GLB1: variants seen among roughly 807,000 people sequenced by gnomAD.
GLB1 encodes the protein beta-galactosidase.
In GLB1, 56 loss-of-function variants were observed where a neutral mutation model predicts 74.0. That is an observed-to-expected ratio of 0.76 (90% confidence interval 0.61 to 0.94). The LOEUF is 0.94. GLB1 is among the 40% of genes least tolerant of loss of function. The pLI, the probability that GLB1 is intolerant of heterozygous loss-of-function variation, is 0.00. For missense variants in GLB1, 787 were observed against 845.5 expected, an observed-to-expected ratio of 0.93 and a Z score of 0.86; for synonymous variants, 323 against 323.6, an observed-to-expected ratio of 1.00 and a Z score of 0.02.
the GLB1 span, among the ~76,000 whole-genome samples, chr3:32,967,914 C>G: frequency 2.0e-5 from 3 of 152,244 alleles, no homozygotes; most frequent in East Asian, 5.8e-4. Flanking sequence ...CGGTAAGGAG[C>G]AAGGGCCCAA....
intron 13 of GLB1, 64 bp downstream of exon 13, chr3:33,018,384 A>G: frequency 6.6e-7 from 1 of 1,521,492 alleles, no homozygotes; most frequent in Non-Finnish European, 9.1e-7. Context: ...CTGTGTTAAC[A>G]AGTGCAGGCT....
chr3:33,076,899 T>C (rs1700129682), intron 1 of GLB1, among the ~76,000 whole-genome samples: 1 of 152,046 alleles, frequency 6.6e-6, no homozygotes, highest in Non-Finnish European at 1.5e-5. Context: ...ACATTGACAA[T>C]GGAAAATTCT....
intron 10 of GLB1, among the ~76,000 whole-genome samples, chr3:33,026,793 C>T (rs1191772688): frequency 6.6e-6 from 1 of 152,056 alleles, no homozygotes; most frequent in Non-Finnish European, 1.5e-5. Flanking sequence ...CACAGAGAGG[C>T]ACTACCCTCT....
intron 10 of GLB1, among the ~76,000 whole-genome samples, chr3:33,039,498 T>A (rs539499604): frequency 6.6e-6 from 1 of 152,242 alleles, no homozygotes; most frequent in African/African-American, 2.4e-5. Context: ...ATTGAGTCTA[T>A]AATATGGGTT....
intron 4 of GLB1, among the ~76,000 whole-genome samples, chr3:33,066,781 T>G (rs1454626190): frequency 6.6e-6 from 1 of 152,142 alleles, no homozygotes; most frequent in East Asian, 1.9e-4. Flanking sequence ...GAATAATAAA[T>G]GTACATGCCA....
intron 15 of GLB1, among the ~76,000 whole-genome samples, chr3:33,001,944 T>C (rs1332977306): frequency 6.6e-5 from 10 of 152,332 alleles, no homozygotes; most frequent in East Asian, 3.9e-4. Flanking sequence ...TTAAAAAATA[T>C]ATACATTGAT....
chr3:33,004,784 C>G (rs1215333461), intron 15 of GLB1, among the ~76,000 whole-genome samples: 1 of 152,204 alleles, frequency 6.6e-6, no homozygotes, highest in Non-Finnish European at 1.5e-5. Context: ...ACCACTTCTC[C>G]AGCAGAAGAG....
At chr3:33,063,002 T>C (rs1314325014) in intron 5 of GLB1, among the ~76,000 whole-genome samples, 8 of 152,156 alleles carry the variant, frequency 5.3e-5, no homozygotes, top group Admixed American at 4.6e-4. Flanking sequence ...TGCTCCCACA[T>C]GTGCTTCACA....
chr3:33,055,910 A>G (rs1349053486), intron 6 of GLB1, among the ~76,000 whole-genome samples: 1 of 151,644 alleles, frequency 6.6e-6, no homozygotes, highest in East Asian at 1.9e-4. Flanking sequence ...CTCTTTTTTG[A>G]TAAGGTAGAA....
At chr3:32,991,259 G>A in the GLB1 span, among the ~76,000 whole-genome samples, 1 of 152,120 alleles carries the variant, frequency 6.6e-6, no homozygotes, top group Non-Finnish European at 1.5e-5. Context: ...AAGAGACAAA[G>A]GGATCCAATT....
chr3:33,031,236 G>C (rs1022189895), intron 10 of GLB1, among the ~76,000 whole-genome samples: 3 of 152,134 alleles, frequency 2.0e-5, no homozygotes, highest in African/African-American at 7.2e-5. Flanking sequence ...AAGGAGGCAG[G>C]TAGAGCTATA....
intron 1 of GLB1, chr3:33,090,927 A>T (rs971769160): frequency 5.9e-5 from 53 of 901,410 alleles, no homozygotes; most frequent in South Asian, 3.1e-4. Flanking sequence ...ATGCAAAATT[A>T]AAAAAAAAAT....
Position 33,093,637 on chromosome 3 carries a change from GC to G in GLB1, c.75+3373del. 6.2e-7 allele frequency: 1 copy of G among 1,614,158 alleles called. No homozygotes were observed. The highest frequency in any genetic ancestry group is 8.5e-7 in the Non-Finnish European group (1 of 1,180,032). On this transcript the variant is annotated intron_variant, in intron 1 of 15. Transcript: ENST00000307363. This position sits in a 1 kb window ranked among gnomAD's most constrained non-coding sequence, Gnocchi z 6.0. ...ACCTCCACAGTTTTCACAGCCGGGGGCTGCGCGGCATTCAGAATCCCGGCCA... is the reference window on the plus strand; with the variant it reads ...ACCTCCACAGTTTTCACAGCCGGGGGTGCGCGGCATTCAGAATCCCGGCCA...
intron 10 of GLB1, among the ~76,000 whole-genome samples, chr3:33,040,069 T>C (rs1698438329): frequency 6.6e-6 from 1 of 152,194 alleles, no homozygotes; most frequent in African/African-American, 2.4e-5. Flanking sequence ...TGTTCCTAGA[T>C]CCTTTACCCT....
At chr3:33,006,061 A>G (rs1208042142) in intron 15 of GLB1, among the ~76,000 whole-genome samples, 2 of 152,242 alleles carry the variant, frequency 1.3e-5, no homozygotes, top group African/African-American at 4.8e-5. Flanking sequence ...TGAAGGCTGC[A>G]TAGGATATTG....
At chr3:32,978,805 G>T in the GLB1 span, among the ~76,000 whole-genome samples, 1 of 132,394 alleles carries the variant, frequency 7.6e-6, no homozygotes, top group African/African-American at 2.7e-5. Flanking sequence ...CTGTCACCCA[G>T]GCTGGAGTGC....
At chr3:33,090,428 A>G in intron 1 of GLB1, 2 of 985,466 alleles carry the variant, frequency 2.0e-6, no homozygotes, top group Non-Finnish European at 2.4e-6. Flanking sequence ...GGTATTTGGA[A>G]GGAATGGCAG....
the GLB1 span, among the ~76,000 whole-genome samples, chr3:32,984,925 G>A: frequency 6.7e-5 from 10 of 150,142 alleles, 1 homozygote; most frequent in East Asian, 2.0e-3. Context: ...CTAGGTGACA[G>A]AGCGAGACTC....
chr3:33,054,258 C>T (rs941670353), intron 6 of GLB1, among the ~76,000 whole-genome samples: 1 of 152,086 alleles, frequency 6.6e-6, no homozygotes, highest in South Asian at 2.1e-4. Flanking sequence ...GTTATAGCAG[C>T]CCACACTGAC....
Sources: gnomAD v4.1 joint callset for allele counts (sites outside exome capture counted in the v4.1 genomes callset) on GRCh38, gnomAD v4.1.1 for gene constraint, Gnocchi (gnomAD v3.1) non-coding constraint, MANE v1.5 for transcripts, NCBI Gene and HGNC (gene_info 2026-07-23, HGNC 2026-07-21) for gene names.